Variants in ZNF407 observed in about 807,000 individuals in gnomAD.
The protein encoded by ZNF407 is zinc finger protein 407.
A neutral mutation model predicts 131.2 loss-of-function variants in ZNF407; 17 were observed. That is an observed-to-expected ratio of 0.13 (90% CI 0.09 to 0.19). The LOEUF (loss-of-function observed/expected upper bound fraction) is 0.19, where lower values mean the gene tolerates loss of function less well. ZNF407 is among the 10% of genes least tolerant of loss of function. The pLI, the probability that ZNF407 is intolerant of heterozygous loss-of-function variation, is 1.00. For synonymous variants in ZNF407, 1,156 were observed against 1,062.0 expected (o/e 1.09, Z -1.72); for missense variants, 2,681 against 2,830.6 (o/e 0.95, Z 1.20).
At chr18:74,882,894 T>C (rs190184539) in intron 6 of ZNF407, among the ~76,000 whole-genome samples, 40 of 152,350 alleles carry the variant, frequency 2.6e-4, no homozygotes, top group Middle Eastern at 3.4e-3. Flanking sequence ...TAATCAGTGC[T>C]CAAATTGTTA....
chr18:74,879,577 T>G (rs1257546435), intron 5 of ZNF407, among the ~76,000 whole-genome samples: 2 of 152,210 alleles, frequency 1.3e-5, no homozygotes, highest in Admixed American at 1.3e-4. Context: ...ATTAAATAAT[T>G]AAATGAGTGA....
At chr18:75,059,376 C>T (rs1973598310) in intron 8 of ZNF407, among the ~76,000 whole-genome samples, 1 of 152,172 alleles carries the variant, frequency 6.6e-6, no homozygotes, top group Admixed American at 6.5e-5. Context: ...GTAGTTTCTC[C>T]TCTCTCTTAA....
At chr18:75,057,233 A>G (rs1276575324) in intron 8 of ZNF407, among the ~76,000 whole-genome samples, 1 of 152,226 alleles carries the variant, frequency 6.6e-6, no homozygotes, top group Admixed American at 6.5e-5. Context: ...AATTTAAAAT[A>G]AATGCCAACT....
At position 74,635,574 on chromosome 18, in the gene ZNF407, T is replaced by C. The variant is rs767641810; in HGVS notation, c.4555T>C (p.Tyr1519His). 3.1e-6 allele frequency: 5 copies of C among 1,613,846 alleles called. No homozygotes were observed. The South Asian group carries it at 3.3e-5, about 11-fold the overall frequency. The change falls in exon 2 of 9, where the codon TAT becomes CAT. Residue 1519 changes from tyrosine (Y) to histidine (H), a missense_variant. By Grantham distance (83) the Tyr-to-His change is moderately conservative. Around this residue, in one of 6 missense-constraint regions of ZNF407, gnomAD observed 213 missense variants for 332.2 expected, o/e 0.64. Coordinates refer to ENST00000299687, the MANE Select transcript of ZNF407 (RefSeq NM_017757.3). This position sits in a 1 kb window ranked among gnomAD's most constrained non-coding sequence, Gnocchi z 4.7. ...GGAATTGCTGCGGGAGGTGAATAAG[T>C]ATATAGTGGAAGACACTGAGCAAAT... The part of the protein sequence containing the change: ...HEELLREVNK[Y>H]IVEDTEQINR...
At chr18:74,980,460 C>T (rs997357797) in intron 8 of ZNF407, among the ~76,000 whole-genome samples, 2 of 152,064 alleles carry the variant, frequency 1.3e-5, no homozygotes, top group African/African-American at 4.8e-5. Flanking sequence ...CCCACTACCA[C>T]GCCCGGCTAA....
At position 74,799,442 on chromosome 18, in the gene ZNF407, T is replaced by A. The variant is rs942462113; in HGVS notation, c.4877+17940T>A. Among the ~76,000 whole-genome samples, 8 of 152,228 alleles carry A rather than the reference T, an allele frequency of 5.3e-5. No homozygotes were observed. In the East Asian group the frequency reaches 1.5e-3, roughly 29 times the overall value. On this transcript the variant is annotated intron_variant, in intron 4 of 8. Transcript: ENST00000299687. ...GATTTCATTCATTCAAGATAAATTT[T>A]AAAATTTTTGTTTCATTCCTGATTT...
At chr18:74,987,379 T>G (rs1972665657) in intron 8 of ZNF407, among the ~76,000 whole-genome samples, 1 of 152,230 alleles carries the variant, frequency 6.6e-6, no homozygotes. Flanking sequence ...TAGGTCTTAC[T>G]GTATTACCAA....
At chr18:75,030,031 C>T (rs989296688) in intron 8 of ZNF407, among the ~76,000 whole-genome samples, 19 of 152,044 alleles carry the variant, frequency 1.2e-4, no homozygotes, top group Admixed American at 3.9e-4. Flanking sequence ...AGAGCTTTTT[C>T]TAAGTATATA....
At chr18:74,751,646 G>A (rs1968806195) in intron 3 of ZNF407, among the ~76,000 whole-genome samples, 1 of 151,958 alleles carries the variant, frequency 6.6e-6, no homozygotes. Context: ...CCTTGCAATA[G>A]TTTGCTCAAA....
At chr18:75,058,179 G>A (rs973642570) in intron 8 of ZNF407, among the ~76,000 whole-genome samples, 35 of 152,110 alleles carry the variant, frequency 2.3e-4, no homozygotes, top group African/African-American at 7.7e-4. Flanking sequence ...GTTTTTCCAC[G>A]CTGGAGATGT....
chr18:74,664,686 C>T (rs1450444869), intron 3 of ZNF407, among the ~76,000 whole-genome samples: 1 of 152,106 alleles, frequency 6.6e-6, no homozygotes, highest in Non-Finnish European at 1.5e-5. Context: ...TCTGCTGCTC[C>T]TCCAGCTGTC....
In ZNF407 at chr18:74,865,686, A is replaced by G. The variant is rs942130776; in HGVS notation, c.4878-11511A>G. Reference sequence around the variant, plus strand: ...TATTTATTGATGTCTATCTGAATTTATCTTTTCAAAATAACTTAGAATATA... The same window carrying G: ...TATTTATTGATGTCTATCTGAATTTGTCTTTTCAAAATAACTTAGAATATA... On this transcript the variant is annotated intron_variant, in intron 4 of 8. Transcript: ENST00000299687. 4.5e-4 allele frequency among the ~76,000 whole-genome samples: 68 copies of G among 152,374 alleles called. 1 individual carries two copies. Among genetic ancestry groups the G allele is most frequent in the African/African-American group, 1.6e-3 (65 of 41,596 alleles).
chr18:74,910,620 G>A (rs759395627), intron 7 of ZNF407, among the ~76,000 whole-genome samples: 12 of 151,962 alleles, frequency 7.9e-5, no homozygotes, highest in Admixed American at 3.3e-4. Flanking sequence ...AATTTAACCC[G>A]CTATGTAGTG....
intron 3 of ZNF407, among the ~76,000 whole-genome samples, chr18:74,641,702 G>T (rs1203998205): frequency 1.3e-5 from 2 of 152,130 alleles, no homozygotes; most frequent in East Asian, 3.8e-4. Context: ...CATGTACAGT[G>T]TTTAACTGTT....
At chr18:75,056,172 G>A (rs908460289) in intron 8 of ZNF407, among the ~76,000 whole-genome samples, 5 of 152,152 alleles carry the variant, frequency 3.3e-5, no homozygotes, top group African/African-American at 7.2e-5. Flanking sequence ...GACCAAAACT[G>A]ATCTGTACTC....
chr18:74,938,456 T>C (rs948196854), intron 8 of ZNF407, among the ~76,000 whole-genome samples: 3 of 152,166 alleles, frequency 2.0e-5, no homozygotes, highest in African/African-American at 7.2e-5. Flanking sequence ...TAAGACGCTC[T>C]GTCTCTTTGA....
chr18:74,785,710 ACAG>A (rs1969690535), intron 4 of ZNF407, among the ~76,000 whole-genome samples: 1 of 152,180 alleles, frequency 6.6e-6, no homozygotes, highest in African/African-American at 2.4e-5. Flanking sequence ...AATATCTGAA[ACAG>A]CAGCATCTGT....
In ZNF407 at chr18:74,920,423, C is replaced by T. The variant is rs990099298; in HGVS notation, c.5250-91C>T. The T allele has an allele frequency of 5.5e-6, 6 of 1,088,700 alleles. No individual in the cohort carries two copies. In the African/African-American group the frequency reaches 9.4e-5, roughly 17 times the overall value. The allele number at this position is 1,088,700 out of a possible 1,614,324, so 67.4% of individuals were successfully genotyped here. On this transcript the variant is annotated intron_variant, in intron 7 of 8. Coordinates refer to ENST00000299687, the MANE Select transcript of ZNF407 (RefSeq NM_017757.3). ...ACAGCACTTAAAATAGTACCAAACACATACAGACAGTGTTATGTAATATCA... is the reference window on the plus strand; with the variant it reads ...ACAGCACTTAAAATAGTACCAAACATATACAGACAGTGTTATGTAATATCA...
intron 4 of ZNF407, among the ~76,000 whole-genome samples, chr18:74,805,981 A>AT (rs1970103234): frequency 6.6e-6 from 1 of 152,110 alleles, no homozygotes. Context: ...TTTCCAATAC[A>AT]TTTTTTTCCT....
Sources: allele counts gnomAD v4.1 joint callset (sites outside exome capture counted in the v4.1 genomes callset), GRCh38; gene constraint gnomAD v4.1.1; regional missense constraint gnomAD v4.1.1; non-coding constraint Gnocchi (gnomAD v3.1); transcripts MANE v1.5; gene names NCBI Gene and HGNC (gene_info 2026-07-23, HGNC 2026-07-21).